Variants in MYO15A observed in about 807,000 individuals in gnomAD.
MYO15A encodes the protein unconventional myosin-XV.
MYO15A carries 308 observed loss-of-function variants against 394.6 expected under a neutral mutation model. The observed-to-expected ratio is 0.78, with a 90% CI of 0.71 to 0.86. The LOEUF is 0.86. Ranked by LOEUF, MYO15A falls within the 40% of genes least tolerant of loss-of-function variation. The pLI is 0.00. For missense variants in MYO15A, 4,606 were observed against 4,799.1 expected (o/e 0.96, Z 1.19); for synonymous variants, 1,957 against 2,003.8 (o/e 0.98, Z 0.62).
intron 18 of MYO15A, 144 bp downstream of exon 18, chr17:18,139,080 A>T (rs1465165982): frequency 1.6e-6 from 2 of 1,263,138 alleles, no homozygotes; most frequent in East Asian, 5.1e-5. Context: ...ACCTTGAGCA[A>T]ATTGCTTAGC....
chr17:18,149,373 C>T lies in MYO15A; in HGVS notation c.7114C>T (p.Gln2372Ter), dbSNP rs2046539253. The T allele has an allele frequency of 6.2e-7, 1 of 1,606,172 alleles. No homozygotes were observed. Among genetic ancestry groups the T allele is most frequent in the Non-Finnish European group, 8.5e-7 (1 of 1,176,052 alleles). The change falls in exon 34 of 66, where the codon CAA becomes TAA. Residue 2372 changes from glutamine (Q) to a stop codon, truncating the protein, a stop_gained. Coordinates refer to ENST00000647165, the MANE Select transcript of MYO15A (RefSeq NM_016239.4). LOFTEE classifies it high-confidence loss of function. ...GGCCCAAAGAGGGACAGCAACCCAC[C>T]AAGGTCAACCAACAATGGCTGCTGT... ...TEAQRGTATH[Q>*]ESDSLGEPAV...
intron 18 of MYO15A, 82 bp from the exon 19 acceptor site, chr17:18,139,452 G>A (rs1597789714): frequency 2.8e-6 from 4 of 1,447,000 alleles, no homozygotes; most frequent in Non-Finnish European, 3.8e-6. Flanking sequence ...GGGGACCATA[G>A]AAGTGAGGAG....
chr17:18,171,800 C>T, intron 63 of MYO15A, 29 bp downstream of exon 63: 1 of 1,599,246 alleles, frequency 6.3e-7, no homozygotes, highest in Non-Finnish European at 8.5e-7. Context: ...GGGAGGTGAT[C>T]ATAGGGGGCT....
In MYO15A at chr17:18,121,027, C is replaced by T; in HGVS notation, c.2227C>T (p.Pro743Ser). 1 of 1,509,366 alleles carries T rather than the reference C, an allele frequency of 6.6e-7. No homozygotes were observed. Among genetic ancestry groups the T allele is most frequent in the East Asian group, 2.6e-5 (1 of 37,784 alleles). 93.5% of individuals were successfully genotyped at this position (1,509,366 alleles called of 1,614,324 possible). A position where few individuals can be genotyped will look rare whatever the true frequency, so the allele number is the denominator to read the frequency against. Residue 743 changes from proline to serine, a missense_variant, in exon 2 of 66, where the codon CCC becomes TCC. Coordinates refer to ENST00000647165, the MANE Select transcript of MYO15A (RefSeq NM_016239.4). The surrounding 1 kb of genome is among the most constrained non-coding windows in gnomAD (Gnocchi z 5.3). ...PDLLAFPGPRPSFRGSRRRGA... is the reference protein window; with the variant it reads ...PDLLAFPGPRSSFRGSRRRGA... ...CCTACTAGCCTTCCCAGGGCCCCGA[C>T]CCTCGTTCAGGGGCTCCCGCCGGAG...
rs1402989125 is a variant in MYO15A at position 18,161,365 on chromosome 17, C to G, written c.9435C>G (p.Tyr3145Ter). 1 of 1,614,122 alleles carries G rather than the reference C, an allele frequency of 6.2e-7. No homozygotes were observed. The highest frequency in any genetic ancestry group is 2.2e-5 in the East Asian group (1 of 44,870). ...GGCTGCTGTATATCGTGACCGCCTACCACAGCTGCTCTGAGGTCCTCCACC... is the reference window on the plus strand; with the variant it reads ...GGCTGCTGTATATCGTGACCGCCTAGCACAGCTGCTCTGAGGTCCTCCACC... ...GWRLLYIVTA[Y>*]HSCSEVLHPH... Residue 3145 changes from tyrosine (Y) to a stop codon, truncating the protein, a stop_gained, in exon 57 of 66, where the codon TAC becomes TAG. Transcript: ENST00000647165. LOFTEE classifies it high-confidence loss of function.
chr17:18,136,426 C>T lies in MYO15A; in HGVS notation c.4606C>T (p.Arg1536Ter), dbSNP rs371352951. 1.9e-6 allele frequency: 3 copies of T among 1,613,578 alleles called. No homozygotes were observed. Among genetic ancestry groups the T allele is most frequent in the Non-Finnish European group, 2.5e-6 (3 of 1,180,026 alleles). The change falls in exon 14 of 66, where the codon CGA becomes TGA. Residue 1536 changes from arginine (R) to a stop codon, truncating the protein, a stop_gained. Transcript: ENST00000647165. LOFTEE classifies it high-confidence loss of function. ...AITFKVTETM[R>*]EKIFTPLTVE... ...CTGTGCCCGTCCCTAGGAGACAATG[C>T]GAGAGAAGATCTTCACGCCCCTAAC...
At position 18,149,543 on chromosome 17, in the gene MYO15A, A is replaced by G. The variant is rs2046542346; in HGVS notation, c.7175A>G (p.Asp2392Gly). ...CACAAGGGGCTGGACTGCTACCTGG[A>G]TAGCCTCTTTGACCCTGTGCTGTCC... ...VPHKGLDCYLDSLFDPVLSYG... is the reference protein window; with the variant it reads ...VPHKGLDCYLGSLFDPVLSYG... Residue 2392 changes from aspartate (D) to glycine (G), a missense_variant, in exon 35 of 66, where the codon GAT becomes GGT. Physicochemically the swap from Asp to Gly is moderately conservative, Grantham distance 94. Transcript: ENST00000647165. The G allele has an allele frequency of 1.2e-6, 2 of 1,614,104 alleles. No homozygotes were observed. Among genetic ancestry groups the G allele is most frequent in the Non-Finnish European group, 1.7e-6 (2 of 1,180,038 alleles).
chr17:18,120,564 G>T lies in MYO15A; in HGVS notation c.1764G>T (p.Arg588=). 6.3e-7 allele frequency: 1 copy of T among 1,599,070 alleles called. No homozygotes were observed. The highest frequency in any genetic ancestry group is 8.5e-7 in the Non-Finnish European group (1 of 1,174,994). ...KTLSEKKPIA[R]LRGSQKARAG... is the part of the protein sequence containing the mutation. ...TGTCGGAGAAGAAGCCCATCGCGCG[G>T]CTCAGGGGCAGCCAGAAGGCCCGGG... Residue 588 remains arginine, a synonymous_variant, in exon 2 of 66, where the codon CGG becomes CGT. Transcript: ENST00000647165.
chr17:18,140,467 G>A lies in MYO15A; in HGVS notation c.5212-50G>A, dbSNP rs979218687. On this transcript the variant is annotated intron_variant, in intron 19 of 65. Coordinates refer to ENST00000647165, the MANE Select transcript of MYO15A (RefSeq NM_016239.4). ...CCTGCTCTCTCTTCCTCCTCATTTC[G>A]GTCTCCCGGACCCTGCCTGTCTGTT... The A allele has an allele frequency of 1.6e-5, 26 of 1,611,724 alleles. No homozygotes were observed. The highest frequency in any genetic ancestry group is 1.7e-5 in the Admixed American group (1 of 59,986).
intron 7 of MYO15A, among the ~76,000 whole-genome samples, chr17:18,127,726 T>C (rs1323802144): frequency 6.6e-6 from 1 of 151,810 alleles, no homozygotes; most frequent in Admixed American, 6.6e-5. Context: ...AGACCTACTG[T>C]GTGCCAGTCC....
chr17:18,141,026 G>A lies in MYO15A; in HGVS notation c.5414G>A (p.Gly1805Asp), dbSNP rs1196695002. ...CTCTGGGCATCCCTACAGGAGCCAG[G>A]TCTCTTTGAGCCAGATGTGGTAATG... ...CLKPNHKKEP[G>D]LFEPDVVMAQ... The change falls in exon 22 of 66, where the codon GGT (glycine) becomes GAT (aspartate). Residue 1805 changes from glycine to aspartate, a missense_variant. Gly to Asp is a moderately conservative substitution (Grantham distance 94). Around this residue, in one of 2 missense-constraint regions of MYO15A, gnomAD observed 2,776 missense variants for 3,109.3 expected, o/e 0.89. Transcript: ENST00000647165. 2 of 1,613,972 alleles carry A rather than the reference G, an allele frequency of 1.2e-6. No individual in the cohort carries two copies. Among genetic ancestry groups the A allele is most frequent in the Non-Finnish European group, 1.7e-6 (2 of 1,180,042 alleles).
intron 62 of MYO15A, 104 bp from the exon 63 acceptor site, chr17:18,171,534 G>C (rs12951925): frequency 9.7e-6 from 15 of 1,546,740 alleles, no homozygotes; most frequent in Non-Finnish European, 1.2e-5. Flanking sequence ...TAGTCTTCCA[G>C]GGAGGTGCAT....
Position 18,151,281 on chromosome 17 carries a change from C to G in MYO15A, c.7645C>G (p.Pro2549Ala). 6.2e-7 allele frequency: 1 copy of G among 1,614,216 alleles called. No individual in the cohort carries two copies. The highest frequency in any genetic ancestry group is 2.2e-5 in the East Asian group (1 of 44,882). The change falls in exon 39 of 66, where the codon CCA becomes GCA. Residue 2549 changes from proline to alanine, a missense_variant. Transcript: ENST00000647165. ...APVLAQDQAS[P>A]ETTSPSPELV... is the part of the protein sequence containing the mutation. ...TGTTCTAGCTCAGGATCAGGCTTCTCCAGAAACCAGTGAGTGCCCTATCCC... is the reference window on the plus strand; with the variant it reads ...TGTTCTAGCTCAGGATCAGGCTTCTGCAGAAACCAGTGAGTGCCCTATCCC...
At position 18,121,412 on chromosome 17, in the gene MYO15A, C is replaced by T. The variant is rs1307503143; in HGVS notation, c.2612C>T (p.Thr871Met). The change falls in exon 2 of 66, where the codon ACG (threonine) becomes ATG (methionine). Residue 871 changes from threonine to methionine, a missense_variant. Transcript: ENST00000647165. The surrounding 1 kb of genome is among the most constrained non-coding windows in gnomAD (Gnocchi z 5.3). ...SLNLPSRLPH[T>M]WRRLSEPPTR... ...AATCTGCCCTCGCGCCTCCCGCACA[C>T]GTGGCGGCGCCTCAGCGAGCCACCC... is the stretch of plus-strand genomic sequence containing the variant. 1 of 1,541,290 alleles carries T rather than the reference C, an allele frequency of 6.5e-7. No homozygotes were observed. Among genetic ancestry groups the T allele is most frequent in the Non-Finnish European group, 8.7e-7 (1 of 1,145,620 alleles).
chr17:18,141,137 T>C lies in MYO15A; in HGVS notation c.5525T>C (p.Ile1842Thr). 6.2e-7 allele frequency: 1 copy of C among 1,613,700 alleles called. No homozygotes were observed. ...GTGCGCCTGCCTTTCCAGGGGTTCA[T>C]CGACAGGTATCTTGGTTACGGTAGT... The part of the protein sequence containing the change: ...FPVRLPFQGF[I>T]DRYCCLVALK... The change falls in exon 22 of 66, where the codon ATC becomes ACC. Residue 1842 changes from isoleucine (I) to threonine (T), a missense_variant. Coordinates refer to ENST00000647165, the MANE Select transcript of MYO15A (RefSeq NM_016239.4).
chr17:18,124,466 C>A lies in MYO15A; in HGVS notation c.3610-17C>A. On this transcript the variant is annotated splice_polypyrimidine_tract_variant and intron_variant, in intron 2 of 65. Coordinates refer to ENST00000647165, the MANE Select transcript of MYO15A (RefSeq NM_016239.4). ...GTGCCCTTCAACCTGCAGACACAGC[C>A]TCTCTCTCTCACACAGATGCACTCC... 6.2e-7 allele frequency: 1 copy of A among 1,602,558 alleles called. No homozygotes were observed. Among genetic ancestry groups the A allele is most frequent in the South Asian group, 1.1e-5 (1 of 90,818 alleles).
At chr17:18,156,064 T>A (rs1033612327) in intron 47 of MYO15A, 131 bp from the exon 48 acceptor site, 40 of 1,407,864 alleles carry the variant, frequency 2.8e-5, no homozygotes, top group Non-Finnish European at 3.8e-5. Flanking sequence ...TAGGGTTCTG[T>A]GGGAGCTGGC....
rs887153898 is a variant in MYO15A at position 18,167,591 on chromosome 17, T to C, written c.9950T>C (p.Val3317Ala). 6.2e-7 allele frequency: 1 copy of C among 1,602,178 alleles called. No homozygotes were observed. Among genetic ancestry groups the C allele is most frequent in the Non-Finnish European group, 8.5e-7 (1 of 1,179,870 alleles). The change falls in exon 62 of 66, where the codon GTC becomes GCC. Residue 3317 changes from valine to alanine, a missense_variant and splice_region_variant. By Grantham distance (64) the Val-to-Ala change is moderately conservative (BLOSUM62 0). This residue lies in a region of MYO15A where 2,776 missense variants were observed against 3,109.3 expected (regional missense o/e 0.89). Transcript: ENST00000647165. Reference sequence around the variant, plus strand: ...CCCTCACCCAGGTGCTCCCTGCAGGTCCTGCCTGACTACCTGAAGGGACTC... The same window carrying C: ...CCCTCACCCAGGTGCTCCCTGCAGGCCCTGCCTGACTACCTGAAGGGACTC... ...ELYVTMHYNQ[V>A]LPDYLKGLFS...
At chr17:18,137,129 C>T (rs1239593582) in intron 15 of MYO15A, among the ~76,000 whole-genome samples, 3 of 152,182 alleles carry the variant, frequency 2.0e-5, no homozygotes, top group Non-Finnish European at 4.4e-5. Flanking sequence ...GAGTGCACAG[C>T]AAAGGAAGTG....
Sources: gnomAD v4.1 joint callset for allele counts (sites outside exome capture counted in the v4.1 genomes callset) on GRCh38, gnomAD v4.1.1 for gene constraint, gnomAD v4.1.1 regional missense constraint, Gnocchi (gnomAD v3.1) non-coding constraint, MANE v1.5 for transcripts, NCBI Gene and HGNC (gene_info 2026-07-23, HGNC 2026-07-21) for gene names.